Variants in GLP2R observed in about 807,000 individuals in gnomAD.
The protein encoded by GLP2R is glucagon like peptide 2 receptor, also known as glucagon-like peptide 2 receptor.
A neutral mutation model predicts 68.2 loss-of-function variants in GLP2R; 59 were observed. The observed-to-expected ratio is 0.87, with a 90% confidence interval of 0.70 to 1.07. The LOEUF (loss-of-function observed/expected upper bound fraction) is 1.07. Among genes scored for constraint, GLP2R ranks in the 50% least tolerant of loss-of-function variants. The pLI is 0.00. For synonymous variants in GLP2R, 270 were observed against 265.4 expected (o/e 1.02, Z -0.17); for missense variants, 548 against 677.4 (o/e 0.81, Z 2.12).
At chr17:9,827,522 A>T (rs969656197) in intron 1 of GLP2R, among the ~76,000 whole-genome samples, 33 of 152,248 alleles carry the variant, frequency 2.2e-4, no homozygotes, top group African/African-American at 7.7e-4. Flanking sequence ...ATCGTTGGGC[A>T]TGCTGGTAGC....
intron 10 of GLP2R, among the ~76,000 whole-genome samples, chr17:9,879,709 T>C (rs1384131844): frequency 6.6e-6 from 1 of 152,198 alleles, no homozygotes; most frequent in East Asian, 1.9e-4. Context: ...CTTTTTTGTG[T>C]AGTCTATATA....
At chr17:9,838,364 G>A (rs1226439421) in intron 3 of GLP2R, among the ~76,000 whole-genome samples, 1 of 152,172 alleles carries the variant, frequency 6.6e-6, no homozygotes, top group African/African-American at 2.4e-5. Context: ...AGGGTGCGTC[G>A]CACAGCTGCC....
In GLP2R at chr17:9,866,265, T is replaced by G; in HGVS notation, c.1056+4175T>G. On this transcript the variant is annotated intron_variant, in intron 9 of 12. Coordinates refer to ENST00000262441, the MANE Select transcript of GLP2R (RefSeq NM_004246.3). ...TTCATCTATGAAATCAGTCTTGAAC[T>G]AGACCAGTGGTTTTCAACCAGAGGA... 1.0e-5 allele frequency: 2 copies of G among 198,260 alleles called. 1 individual carries two copies. Among genetic ancestry groups the G allele is most frequent in the Middle Eastern group, 4.6e-3 (2 of 432 alleles). The allele number at this position is 198,260 out of a possible 1,614,324, so 12.3% of individuals were successfully genotyped here.
intron 10 of GLP2R, among the ~76,000 whole-genome samples, chr17:9,876,754 C>T (rs749241820): frequency 7.2e-5 from 11 of 152,272 alleles, no homozygotes; most frequent in South Asian, 4.2e-4. Flanking sequence ...TGGAGTACCA[C>T]GTTCTGAACC....
intron 1 of GLP2R, among the ~76,000 whole-genome samples, chr17:9,833,421 C>T (rs963762402): frequency 6.6e-6 from 1 of 152,214 alleles, no homozygotes; most frequent in African/African-American, 2.4e-5. Flanking sequence ...CTGCAATCCT[C>T]TGGTCCTTCT....
intron 4 of GLP2R, among the ~76,000 whole-genome samples, chr17:9,851,164 A>G (rs1293614870): frequency 6.6e-6 from 1 of 152,224 alleles, no homozygotes; most frequent in Non-Finnish European, 1.5e-5. Context: ...TAATTTAGAA[A>G]CAAATAGTTA....
intron 11 of GLP2R, among the ~76,000 whole-genome samples, chr17:9,881,659 C>T (rs867969576): frequency 3.0e-5 from 4 of 135,592 alleles, no homozygotes; most frequent in Admixed American, 1.4e-4. Flanking sequence ...GGATTACAGG[C>T]GTGAGCCACC....
intron 4 of GLP2R, among the ~76,000 whole-genome samples, chr17:9,849,698 C>T (rs957861504): frequency 1.8e-4 from 27 of 150,184 alleles, no homozygotes; most frequent in African/African-American, 5.2e-4. Context: ...CTGCCAGCTC[C>T]GCCTCCTGGG....
chr17:9,849,335 C>T (rs1040428921), intron 4 of GLP2R, among the ~76,000 whole-genome samples: 20 of 151,942 alleles, frequency 1.3e-4, no homozygotes, highest in Non-Finnish European at 2.1e-4. Flanking sequence ...CTAAATTCAT[C>T]GGGTACCTCC....
At chr17:9,831,341 C>T (rs2066677668) in intron 1 of GLP2R, among the ~76,000 whole-genome samples, 1 of 152,162 alleles carries the variant, frequency 6.6e-6, no homozygotes, top group South Asian at 2.1e-4. Flanking sequence ...TTAACTCCAG[C>T]CCTGTGCTGG....
chr17:9,858,106 T>C (rs2066951839), intron 6 of GLP2R, among the ~76,000 whole-genome samples: 1 of 152,238 alleles, frequency 6.6e-6, no homozygotes, highest in Non-Finnish European at 1.5e-5. Flanking sequence ...GTGCATAGGT[T>C]ATAGGCAAAT....
intron 9 of GLP2R, among the ~76,000 whole-genome samples, chr17:9,868,176 C>G (rs2067058130): frequency 6.6e-6 from 1 of 152,182 alleles, no homozygotes. Flanking sequence ...CCAGTGATTC[C>G]TTAGCTTCAG....
At chr17:9,832,078 C>T (rs764688496) in intron 1 of GLP2R, among the ~76,000 whole-genome samples, 53 of 152,128 alleles carry the variant, frequency 3.5e-4, no homozygotes, top group Non-Finnish European at 6.8e-4. Flanking sequence ...TCTTTAATTC[C>T]TCCTTAACAC....
intron 4 of GLP2R, among the ~76,000 whole-genome samples, chr17:9,849,674 G>T (rs1286536209): frequency 1.4e-5 from 2 of 142,110 alleles, no homozygotes; most frequent in African/African-American, 5.3e-5. Context: ...GTGCAGTGGC[G>T]TGATCTCGGC....
Position 9,848,289 on chromosome 17 carries a change from A to G in GLP2R, c.504+5673A>G, listed in dbSNP as rs543262223. Among the ~76,000 whole-genome samples the G allele has an allele frequency of 3.9e-5, 6 of 152,266 alleles. No homozygotes were observed. In the South Asian group the frequency reaches 1.2e-3, roughly 32 times the overall value. The stretch of plus-strand genomic sequence containing the variant: ...GGGCTTCAAACTGTTTGAGAACAAC[A>G]ACAAAGTCACAGTTATATTTGACTA... On this transcript the variant is annotated intron_variant, in intron 4 of 12. Coordinates refer to ENST00000262441, the MANE Select transcript of GLP2R (RefSeq NM_004246.3).
chr17:9,852,866 G>A, intron 4 of GLP2R: 1 of 406,252 alleles, frequency 2.5e-6, no homozygotes, highest in South Asian at 2.3e-5. Context: ...TTTTTCTGTG[G>A]AAACTTGCTA....
At chr17:9,861,464 G>A (rs768817400) in intron 8 of GLP2R, among the ~76,000 whole-genome samples, 10 of 152,048 alleles carry the variant, frequency 6.6e-5, no homozygotes, top group Non-Finnish European at 1.2e-4. Flanking sequence ...TACAAGAGTG[G>A]TTACTGCAGT....
intron 4 of GLP2R, among the ~76,000 whole-genome samples, chr17:9,846,066 C>T (rs965554861): frequency 1.3e-5 from 2 of 152,022 alleles, no homozygotes; most frequent in African/African-American, 4.8e-5. Context: ...TCGAATACAT[C>T]AACTTTATAT....
In GLP2R at chr17:9,839,961, C is replaced by T. The variant is rs563567757; in HGVS notation, c.383-2534C>T. Among the ~76,000 whole-genome samples the T allele has an allele frequency of 3.3e-5, 5 of 151,190 alleles. No homozygotes were observed. In the South Asian group the frequency reaches 6.3e-4, roughly 19 times the overall value. On this transcript the variant is annotated intron_variant, in intron 3 of 12. Transcript: ENST00000262441. The stretch of plus-strand genomic sequence containing the variant: ...CCTCTCCCCTCAACTACAGACCTCT[C>T]CCCTCTGCCTTTCTGAAGCCTCTTT...
Sources: gnomAD v4.1 joint callset for allele counts (sites outside exome capture counted in the v4.1 genomes callset) on GRCh38, gnomAD v4.1.1 for gene constraint, MANE v1.5 for transcripts, NCBI Gene and HGNC (gene_info 2026-07-23, HGNC 2026-07-21) for gene names.